Variants in LDAH observed in about 807,000 individuals in gnomAD.
The protein encoded by LDAH is lipid droplet-associated hydrolase.
A neutral mutation model predicts 29.6 loss-of-function variants in LDAH; 26 were observed. That is an observed-to-expected ratio of 0.88 (90% CI 0.64 to 1.22). The LOEUF is 1.22. Among genes scored for constraint, LDAH ranks in the 50% most tolerant of loss-of-function variants. LDAH has a pLI of 0.00. For synonymous variants in LDAH, 117 were observed against 133.0 expected, an observed-to-expected ratio of 0.88 and a Z score of 0.83; for missense variants, 344 against 387.3, an observed-to-expected ratio of 0.89 and a Z score of 0.94.
At chr2:20,729,241 A>G (rs976374493) in intron 5 of LDAH, among the ~76,000 whole-genome samples, 4 of 152,172 alleles carry the variant, frequency 2.6e-5, no homozygotes, top group Non-Finnish European at 4.4e-5. Context: ...TTTGGAGCCT[A>G]CTTCTCCTGA....
intron 2 of LDAH, among the ~76,000 whole-genome samples, chr2:20,793,716 GTAAT>G (rs1671120091): frequency 6.6e-6 from 1 of 152,110 alleles, no homozygotes; most frequent in South Asian, 2.1e-4. Context: ...TCTTAAAAGA[GTAAT>G]TAGGAAAAAT....
intron 5 of LDAH, among the ~76,000 whole-genome samples, chr2:20,711,624 T>A (rs892899039): frequency 3.9e-5 from 6 of 152,178 alleles, no homozygotes; most frequent in Admixed American, 2.6e-4. Flanking sequence ...GGGATTTCCC[T>A]TTCCTAGCCA....
At chr2:20,719,953 T>C (rs942354781) in intron 5 of LDAH, among the ~76,000 whole-genome samples, 33 of 152,096 alleles carry the variant, frequency 2.2e-4, no homozygotes, top group African/African-American at 6.3e-4. Context: ...AAACGGGGTA[T>C]AGAAAAAACA....
At chr2:20,689,911 A>G (rs887494967) in intron 6 of LDAH, among the ~76,000 whole-genome samples, 1 of 152,234 alleles carries the variant, frequency 6.6e-6, no homozygotes, top group Non-Finnish European at 1.5e-5. Context: ...AAGTCCTATG[A>G]TAATGGCAGT....
chr2:20,771,923 G>A (rs1272239824), intron 4 of LDAH, among the ~76,000 whole-genome samples: 1 of 152,188 alleles, frequency 6.6e-6, no homozygotes, highest in African/African-American at 2.4e-5. Flanking sequence ...CACAAATAGA[G>A]TAGGTTAAGT....
At chr2:20,821,824 C>A (rs113669785) in intron 1 of LDAH, among the ~76,000 whole-genome samples, 4 of 151,928 alleles carry the variant, frequency 2.6e-5, no homozygotes, top group Non-Finnish European at 4.4e-5. Flanking sequence ...ATTAAGTTAT[C>A]AAAAAGCAAA....
downstream of LDAH, among the ~76,000 whole-genome samples, chr2:20,683,393 T>C (rs932489699): frequency 7.2e-5 from 11 of 152,336 alleles, no homozygotes; most frequent in African/African-American, 2.6e-4. Flanking sequence ...GCACACTCAG[T>C]CCCAGCCTCC....
At chr2:20,683,192 C>A (rs1397079132), downstream of LDAH, among the ~76,000 whole-genome samples, 1 of 152,134 alleles carries the variant, frequency 6.6e-6, no homozygotes, top group Non-Finnish European at 1.5e-5. Flanking sequence ...GTGGGAGAGG[C>A]CAGACCCATG....
intron 1 of LDAH, among the ~76,000 whole-genome samples, chr2:20,809,365 C>T (rs950916177): frequency 6.6e-6 from 1 of 152,072 alleles, no homozygotes; most frequent in African/African-American, 2.4e-5. Context: ...CACCACTGCA[C>T]TCCAGCCTGG....
At position 20,740,159 on chromosome 2, in the gene LDAH, TCAGA is replaced by T; in HGVS notation, c.511_514del (p.Glu172HisfsTer26). On this transcript the variant is annotated frameshift_variant, in exon 5 of 7. Transcript: ENST00000237822. LOFTEE classifies it high-confidence loss of function. ...AGTGGCAATTCTGCCATTGGGTGAC[TCAGA>T]CATTCGTTCAATTGTTGGAAAGAGC... The T allele has an allele frequency of 1.2e-6, 2 of 1,614,106 alleles. No individual in the cohort carries two copies.
intron 3 of LDAH, among the ~76,000 whole-genome samples, chr2:20,777,757 C>G (rs942385511): frequency 6.6e-6 from 1 of 152,062 alleles, no homozygotes; most frequent in Non-Finnish European, 1.5e-5. Flanking sequence ...TATTATTTTA[C>G]TAGCAGAAAA....
rs536492284 is a variant in LDAH, at chr2:20,710,884, T to C, written c.704-9232A>G. Among the ~76,000 whole-genome samples the C allele has an allele frequency of 3.9e-5, 6 of 152,016 alleles. No homozygotes were observed. The South Asian group carries it at 1.2e-3, about 32-fold the overall frequency. On this transcript the variant is annotated intron_variant, in intron 5 of 6. Coordinates refer to ENST00000237822, the MANE Select transcript of LDAH (RefSeq NM_021925.4). ...TATTTGACCCTGTGAATATGACATA[T>C]TACTCCTATGATAGGTCATGTTATC... is the stretch of plus-strand genomic sequence containing the variant.
At chr2:20,715,178 C>T (rs1665073620) in intron 5 of LDAH, among the ~76,000 whole-genome samples, 1 of 152,236 alleles carries the variant, frequency 6.6e-6, no homozygotes, top group Non-Finnish European at 1.5e-5. Context: ...AAAGCTTATC[C>T]TCCACGATCA....
chr2:20,740,074 C>G lies in LDAH; in HGVS notation c.600G>C (p.Pro200=). The stretch of plus-strand genomic sequence containing the variant: ...GCAAGGACTTGATTGTCTCAGGACA[C>G]GGTTTCAATAATAAGTAGCCAGTAA... ...LYVTGYLLLK[P]CPETIKSLLI... is the part of the protein sequence containing the mutation. Residue 200 remains proline (P), a synonymous_variant, in exon 5 of 7, where the codon CCG becomes CCC. Transcript: ENST00000237822. 6.2e-7 allele frequency: 1 copy of G among 1,614,074 alleles called. No individual in the cohort carries two copies. The highest frequency in any genetic ancestry group is 1.1e-5 in the South Asian group (1 of 91,084).
chr2:20,694,760 C>A (rs1381545953), intron 6 of LDAH, among the ~76,000 whole-genome samples: 1 of 152,218 alleles, frequency 6.6e-6, no homozygotes, highest in Non-Finnish European at 1.5e-5. Context: ...GTGTGGCTCA[C>A]TCTCCAGTAG....
rs114871242 is a variant in LDAH at position 20,814,174 on chromosome 2, C to T, written c.-3+8863G>A. ...ATTTTTCATGCATTAACTTTTCATA[C>T]TTACTGAGAAAGAGCTTTTTAATCA... On this transcript the variant is annotated intron_variant, in intron 1 of 6. Transcript: ENST00000237822. Among the ~76,000 whole-genome samples the T allele has an allele frequency of 7.1e-3, 1,059 of 148,724 alleles. 13 individuals carry two copies. The highest frequency in any genetic ancestry group is 0.025 in the African/African-American group (1,010 of 40,608).
At chr2:20,818,082 C>A (rs541312601) in intron 1 of LDAH, among the ~76,000 whole-genome samples, 6 of 152,202 alleles carry the variant, frequency 3.9e-5, no homozygotes, top group African/African-American at 1.4e-4. Context: ...TGTACACACA[C>A]AAATGAGTCC....
chr2:20,730,419 T>C (rs894103992), intron 5 of LDAH, among the ~76,000 whole-genome samples: 8 of 152,214 alleles, frequency 5.3e-5, no homozygotes, highest in African/African-American at 1.9e-4. Context: ...CCATTTTACA[T>C]TATCAGCAGC....
chr2:20,692,510 A>G (rs1274064610), intron 6 of LDAH, among the ~76,000 whole-genome samples: 2 of 152,262 alleles, frequency 1.3e-5, no homozygotes, highest in African/African-American at 2.4e-5. Context: ...TATCTGAATT[A>G]TCTGTCTATT....
Sources: allele counts gnomAD v4.1 joint callset (sites outside exome capture counted in the v4.1 genomes callset), GRCh38; gene constraint gnomAD v4.1.1; transcripts MANE v1.5; gene names NCBI Gene and HGNC (gene_info 2026-07-23, HGNC 2026-07-21).